The following LMX1A variants were observed in gnomAD, a reference collection of about 807,000 sequenced individuals.
The protein encoded by LMX1A is LIM homeobox transcription factor 1 alpha.
Under a neutral mutation model 49.1 loss-of-function variants are expected in LMX1A, and 15 were observed. That is an observed-to-expected ratio of 0.31 (90% confidence interval 0.20 to 0.47). The LOEUF is 0.47. LMX1A is among the 20% of genes least tolerant of loss of function. The pLI, the probability that LMX1A is intolerant of heterozygous loss-of-function variation, is 1.00. For synonymous variants in LMX1A, 167 were observed against 185.7 expected, an observed-to-expected ratio of 0.90 and a Z score of 0.82; for missense variants, 372 against 475.8, an observed-to-expected ratio of 0.78 and a Z score of 2.03.
intron 3 of LMX1A, among the ~76,000 whole-genome samples, chr1:165,256,187 C>G (rs933485004): frequency 6.6e-6 from 1 of 152,088 alleles, no homozygotes. Flanking sequence ...CAAATCGGAT[C>G]GAAGCAGTAT....
chr1:165,245,067 C>T (rs950616749), intron 4 of LMX1A, among the ~76,000 whole-genome samples: 5 of 152,188 alleles, frequency 3.3e-5, no homozygotes, highest in African/African-American at 9.6e-5. Flanking sequence ...GTCAGCATCA[C>T]AGAACCATAG....
intron 4 of LMX1A, among the ~76,000 whole-genome samples, chr1:165,226,486 T>A (rs1485429440): frequency 6.6e-6 from 1 of 152,192 alleles, no homozygotes; most frequent in Non-Finnish European, 1.5e-5. Context: ...GAGTCCTCCC[T>A]CACAGTCAGC....
At chr1:165,247,212 T>C (rs1470873527) in intron 4 of LMX1A, among the ~76,000 whole-genome samples, 2 of 152,092 alleles carry the variant, frequency 1.3e-5, no homozygotes, top group African/African-American at 4.8e-5. Context: ...ATGTTTATCA[T>C]GAAAGGCTAG....
At chr1:165,222,027 T>C (rs1483399443) in intron 4 of LMX1A, among the ~76,000 whole-genome samples, 4 of 151,864 alleles carry the variant, frequency 2.6e-5, no homozygotes, top group African/African-American at 9.7e-5. Context: ...TCCTATCTAA[T>C]AAAAACATGG....
chr1:165,208,894 G>C (rs543312346), intron 6 of LMX1A, among the ~76,000 whole-genome samples: 34 of 152,192 alleles, frequency 2.2e-4, no homozygotes, highest in African/African-American at 7.5e-4. Flanking sequence ...TGATCCACCC[G>C]CCTCGGCCTC....
At chr1:165,317,344 T>C (rs980977671) in intron 3 of LMX1A, among the ~76,000 whole-genome samples, 3 of 152,220 alleles carry the variant, frequency 2.0e-5, no homozygotes, top group African/African-American at 7.2e-5. Context: ...GGGAAAATTA[T>C]AAAGGAGGCA....
At chr1:165,245,825 CTT>C (rs1652832263) in intron 4 of LMX1A, among the ~76,000 whole-genome samples, 2 of 151,992 alleles carry the variant, frequency 1.3e-5, no homozygotes, top group South Asian at 4.2e-4. Flanking sequence ...ATCTTGCTGT[CTT>C]TGCGCGGTTC....
At chr1:165,262,577 G>T (rs1653476946) in intron 3 of LMX1A, among the ~76,000 whole-genome samples, 1 of 152,090 alleles carries the variant, frequency 6.6e-6, no homozygotes, top group African/African-American at 2.4e-5. Context: ...ACTTGCCAAA[G>T]GGATACCCCT....
At chr1:165,273,376 A>G (rs1192703124) in intron 3 of LMX1A, among the ~76,000 whole-genome samples, 3 of 152,162 alleles carry the variant, frequency 2.0e-5, no homozygotes, top group Non-Finnish European at 4.4e-5. Context: ...CCTAACAGCA[A>G]GTCCCAAGAC....
intron 8 of LMX1A, among the ~76,000 whole-genome samples, chr1:165,205,269 G>A (rs73027267): frequency 1.1e-3 from 161 of 152,226 alleles, no homozygotes; most frequent in African/African-American, 3.5e-3. Flanking sequence ...TCAGGCCCCC[G>A]GTTGTTGTCC....
intron 3 of LMX1A, among the ~76,000 whole-genome samples, chr1:165,259,967 A>G (rs1048413711): frequency 6.6e-6 from 1 of 152,186 alleles, no homozygotes; most frequent in African/African-American, 2.4e-5. Flanking sequence ...CTAGAGCAAA[A>G]GACTGTGGTG....
chr1:165,232,714 C>G (rs1400235849), intron 4 of LMX1A, among the ~76,000 whole-genome samples: 1 of 152,204 alleles, frequency 6.6e-6, no homozygotes, highest in Admixed American at 6.5e-5. Context: ...GTCACACCCC[C>G]TTTGGCACAT....
chr1:165,333,817 G>T (rs1655821723), intron 3 of LMX1A, among the ~76,000 whole-genome samples: 1 of 151,936 alleles, frequency 6.6e-6, no homozygotes, highest in Non-Finnish European at 1.5e-5. Context: ...CTGGATCTTG[G>T]GTTCCTCATT....
intron 3 of LMX1A, among the ~76,000 whole-genome samples, chr1:165,282,188 A>T (rs182199200): frequency 6.6e-6 from 1 of 152,264 alleles, no homozygotes; most frequent in Admixed American, 6.5e-5. Context: ...TAGCCTGATA[A>T]ATCCCAAATC....
chr1:165,295,570 AG>A (rs551346260), intron 3 of LMX1A, among the ~76,000 whole-genome samples: 147 of 152,000 alleles, frequency 9.7e-4, no homozygotes, highest in African/African-American at 3.2e-3. Context: ...AGCCTTCCCA[AG>A]GAAAAGGCAT....
chr1:165,256,273 C>A (rs1653240553), intron 3 of LMX1A, among the ~76,000 whole-genome samples: 2 of 152,198 alleles, frequency 1.3e-5, no homozygotes, highest in African/African-American at 4.8e-5. Context: ...CATGAGAAAT[C>A]TGGGCTCAAA....
chr1:165,319,190 T>A (rs1431373928), intron 3 of LMX1A, among the ~76,000 whole-genome samples: 1 of 152,104 alleles, frequency 6.6e-6, no homozygotes, highest in Non-Finnish European at 1.5e-5. Context: ...CCATATTACC[T>A]CTACTATTTA....
intron 3 of LMX1A, among the ~76,000 whole-genome samples, chr1:165,279,739 A>G (rs1654089454): frequency 6.6e-6 from 1 of 152,192 alleles, no homozygotes; most frequent in African/African-American, 2.4e-5. Flanking sequence ...ATTAGTTCCA[A>G]CAAATGACCA....
intron 3 of LMX1A, among the ~76,000 whole-genome samples, chr1:165,333,804 G>A (rs112786819): frequency 7.4e-4 from 112 of 152,034 alleles, no homozygotes; most frequent in Middle Eastern, 3.4e-3. Flanking sequence ...AATGATGACC[G>A]CCCTGGATCT....
Sources: gnomAD v4.1 joint callset for allele counts (sites outside exome capture counted in the v4.1 genomes callset) on GRCh38, gnomAD v4.1.1 for gene constraint, MANE v1.5 for transcripts, NCBI Gene and HGNC (gene_info 2026-07-23, HGNC 2026-07-21) for gene names.